The following SH3PXD2B variants were observed in gnomAD, a reference collection of about 807,000 sequenced individuals.
The protein encoded by SH3PXD2B is SH3 and PX domain-containing protein 2B.
Under a neutral mutation model 73.1 loss-of-function variants are expected in SH3PXD2B, and 37 were observed. The observed-to-expected ratio is 0.51, with a 90% CI of 0.39 to 0.67. The LOEUF is 0.67. SH3PXD2B is among the 30% of genes least tolerant of loss of function. The probability of loss-of-function intolerance (pLI) is 0.00; values close to 1 mark genes in which losing one functional copy is unlikely to be tolerated. For synonymous variants in SH3PXD2B, 457 were observed against 480.5 expected (o/e 0.95, Z 0.64); for missense variants, 1,053 against 1,197.8 (o/e 0.88, Z 1.78).
At chr5:172,414,510 A>G (rs1013872319) in intron 2 of SH3PXD2B, among the ~76,000 whole-genome samples, 48 of 151,544 alleles carry the variant, frequency 3.2e-4, no homozygotes, top group African/African-American at 1.1e-3. Context: ...TCCTAGCTCA[A>G]TGGAAACTGG....
intron 8 of SH3PXD2B, among the ~76,000 whole-genome samples, chr5:172,358,530 G>T (rs1465224289): frequency 2.0e-5 from 3 of 152,210 alleles, no homozygotes; most frequent in Non-Finnish European, 2.9e-5. Context: ...AAAGGGTTAG[G>T]GCTCGAGCTC....
chr5:172,395,248 T>C (rs145552705), intron 3 of SH3PXD2B, among the ~76,000 whole-genome samples: 135 of 152,370 alleles, frequency 8.9e-4, no homozygotes, highest in African/African-American at 3.1e-3. Context: ...CTACCAATCA[T>C]GTGCTCTGCA....
chr5:172,405,682 A>AT (rs1417676974), intron 3 of SH3PXD2B, among the ~76,000 whole-genome samples: 1 of 152,214 alleles, frequency 6.6e-6, no homozygotes, highest in East Asian at 1.9e-4. Flanking sequence ...CTTCAGCCTC[A>AT]TGAGACCTTG....
At chr5:172,427,236 C>T (rs374441898) in intron 1 of SH3PXD2B, among the ~76,000 whole-genome samples, 4 of 152,166 alleles carry the variant, frequency 2.6e-5, no homozygotes, top group East Asian at 1.9e-4. Flanking sequence ...TGAAATAAGC[C>T]GGTCACAATA....
downstream of SH3PXD2B, among the ~76,000 whole-genome samples, chr5:172,329,083 A>ATATTTTTTTTTTTTTTTTTTTT (rs58472514): frequency 3.2e-5 from 2 of 61,812 alleles, no homozygotes; most frequent in African/African-American, 1.6e-4. Context: ...ATATATATAT[A>ATATTTTTTTTTTTTTTTTTTTT]TTTTTTTTTT....
At chr5:172,351,057 C>T (rs550937916) in intron 9 of SH3PXD2B, among the ~76,000 whole-genome samples, 9 of 152,342 alleles carry the variant, frequency 5.9e-5, no homozygotes, top group East Asian at 1.9e-4. Flanking sequence ...GCAGAGTGAT[C>T]GAGACCCTGA....
chr5:172,451,863 T>C lies in SH3PXD2B; in HGVS notation c.75+2415A>G, dbSNP rs140483876. 5.9e-5 allele frequency among the ~76,000 whole-genome samples: 9 copies of C among 152,328 alleles called. 1 individual carries two copies. The highest frequency in any genetic ancestry group is 1.9e-4 in the East Asian group (1 of 5,166). On this transcript the variant is annotated intron_variant, in intron 1 of 12. Coordinates refer to ENST00000311601, the MANE Select transcript of SH3PXD2B (RefSeq NM_001017995.3). Reference sequence around the variant, plus strand: ...GCCCCCCTGCCATCAAGGCAGTAAATGTTCTCTGTTCCTGTGGATGACTCA... The same window carrying C: ...GCCCCCCTGCCATCAAGGCAGTAAACGTTCTCTGTTCCTGTGGATGACTCA...
intron 3 of SH3PXD2B, among the ~76,000 whole-genome samples, chr5:172,403,880 C>T (rs1758490531): frequency 6.6e-6 from 1 of 152,232 alleles, no homozygotes; most frequent in Non-Finnish European, 1.5e-5. Flanking sequence ...GTGCCAGGAA[C>T]TGGACCTTGT....
At chr5:172,443,949 T>A (rs1210393639) in intron 1 of SH3PXD2B, among the ~76,000 whole-genome samples, 1 of 152,260 alleles carries the variant, frequency 6.6e-6, no homozygotes, top group Non-Finnish European at 1.5e-5. Flanking sequence ...GGCAAACTGC[T>A]TCACCTTTCT....
At chr5:172,436,087 ACT>A (rs1246993716) in intron 1 of SH3PXD2B, among the ~76,000 whole-genome samples, 1 of 152,050 alleles carries the variant, frequency 6.6e-6, no homozygotes, top group Non-Finnish European at 1.5e-5. Context: ...TCAGCTGTGG[ACT>A]CTTTCTGCTT....
chr5:172,423,413 G>A (rs1443258827), intron 1 of SH3PXD2B, among the ~76,000 whole-genome samples: 1 of 152,190 alleles, frequency 6.6e-6, no homozygotes, highest in Non-Finnish European at 1.5e-5. Flanking sequence ...GAAGCCCTGG[G>A]GTTTCACAGG....
chr5:172,446,607 T>A (rs1759668534), intron 1 of SH3PXD2B, among the ~76,000 whole-genome samples: 1 of 152,218 alleles, frequency 6.6e-6, no homozygotes, highest in African/African-American at 2.4e-5. Context: ...CTTCCTTGTT[T>A]GGCAGTGTGA....
intron 5 of SH3PXD2B, among the ~76,000 whole-genome samples, chr5:172,377,361 T>C (rs1757842783): frequency 6.6e-6 from 1 of 152,182 alleles, no homozygotes; most frequent in African/African-American, 2.4e-5. Flanking sequence ...CCAATGGGTA[T>C]AACCCTCAAG....
chr5:172,348,725 G>T (rs1757083608), intron 10 of SH3PXD2B, among the ~76,000 whole-genome samples: 1 of 145,568 alleles, frequency 6.9e-6, no homozygotes, highest in Non-Finnish European at 1.5e-5. Flanking sequence ...TTATTTTTGA[G>T]GGACAGGGTC....
Position 172,334,655 on chromosome 5 carries a change from G to C in SH3PXD2B, c.*3714C>G. ...GATGAAAGGACGGGGGTCCAGCTAC[G>C]AATGTTTTTGTTCTTGATGTCAAGT... is the stretch of plus-strand genomic sequence containing the variant. On this transcript the variant is annotated 3_prime_UTR_variant, in exon 13 of 13. Transcript: ENST00000311601. The C allele has an allele frequency of 1.0e-6, 1 of 985,522 alleles. No individual in the cohort carries two copies. Among genetic ancestry groups the C allele is most frequent in the Non-Finnish European group, 1.2e-6 (1 of 829,994 alleles). 61.0% of individuals were successfully genotyped at this position (985,522 alleles called of 1,614,324 possible).
intron 1 of SH3PXD2B, among the ~76,000 whole-genome samples, chr5:172,447,904 T>TG (rs1181024303): frequency 1.3e-5 from 2 of 151,848 alleles, no homozygotes; most frequent in African/African-American, 2.4e-5. Context: ...GGGGATGGGA[T>TG]GGGGGAGCAT....
At chr5:172,378,680 A>G (rs1316050017) in intron 5 of SH3PXD2B, among the ~76,000 whole-genome samples, 1 of 152,154 alleles carries the variant, frequency 6.6e-6, no homozygotes, top group African/African-American at 2.4e-5. Context: ...TGATTCCCCA[A>G]GCAATTCTGT....
chr5:172,420,990 TC>T (rs1758953127), intron 2 of SH3PXD2B, among the ~76,000 whole-genome samples: 1 of 152,094 alleles, frequency 6.6e-6, no homozygotes, highest in African/African-American at 2.4e-5. Flanking sequence ...TTCAGTTACA[TC>T]CGCGAAAAAA....
At position 172,339,895 on chromosome 5, in the gene SH3PXD2B, C is replaced by T. The variant is rs759376561; in HGVS notation, c.1210G>A (p.Gly404Ser). 2 of 1,614,240 alleles carry T rather than the reference C, an allele frequency of 1.2e-6. No homozygotes were observed. Among genetic ancestry groups the T allele is most frequent in the East Asian group, 2.2e-5 (1 of 44,884 alleles). The change falls in exon 13 of 13, where the codon GGC becomes AGC. Residue 404 changes from glycine to serine, a missense_variant. Transcript: ENST00000311601. This position sits in a 1 kb window ranked among gnomAD's most constrained non-coding sequence, Gnocchi z 6.1. ...TCTTCAATCTGAATGTACCACCAGC[C>T]ACTCAAGTTTTTCTCGATCACCTGC... ...KVEVIEKNLS[G>S]WWYIQIEDKE...
Sources: allele counts gnomAD v4.1 joint callset (sites outside exome capture counted in the v4.1 genomes callset), GRCh38; gene constraint gnomAD v4.1.1; non-coding constraint Gnocchi (gnomAD v3.1); transcripts MANE v1.5; gene names NCBI Gene and HGNC (gene_info 2026-07-23, HGNC 2026-07-21).